The following CLDN16 variants were observed in gnomAD, a reference collection of about 807,000 sequenced individuals.
The protein encoded by CLDN16 is claudin 16, also known as claudin-16.
Under a neutral mutation model 24.6 loss-of-function variants are expected in CLDN16, and 13 were observed. The observed-to-expected ratio is 0.53, with a 90% CI of 0.34 to 0.84. The LOEUF is 0.84. CLDN16 is among the 40% of genes least tolerant of loss of function. CLDN16 has a pLI of 0.01. For synonymous variants in CLDN16, 116 were observed against 106.7 expected (o/e 1.09, Z -0.54); for missense variants, 298 against 292.7 (o/e 1.02, Z -0.13).
At chr3:190,290,973 G>T in the CLDN16 span, among the ~76,000 whole-genome samples, 1 of 152,254 alleles carries the variant, frequency 6.6e-6, no homozygotes, top group East Asian at 1.9e-4. Flanking sequence ...AAACAAGTAG[G>T]ATGTTAGAGA....
At chr3:190,295,444 G>A in the CLDN16 span, among the ~76,000 whole-genome samples, 8 of 151,898 alleles carry the variant, frequency 5.3e-5, no homozygotes, top group East Asian at 1.9e-4. Context: ...TTCTTTTTTC[G>A]GAGTTGGACT....
At chr3:190,396,414 A>G (rs1577425943) in intron 1 of CLDN16, among the ~76,000 whole-genome samples, 1 of 152,178 alleles carries the variant, frequency 6.6e-6, no homozygotes, top group East Asian at 1.9e-4. Flanking sequence ...TTAAGTAGCA[A>G]CTGTGCATAT....
upstream of CLDN16, chr3:190,322,109 T>A: frequency 2.5e-6 from 4 of 1,613,934 alleles, no homozygotes; most frequent in Non-Finnish European, 3.4e-6. Context: ...GGCATAGGAG[T>A]AAATCCTCCA....
intron 1 of CLDN16, among the ~76,000 whole-genome samples, chr3:190,324,422 G>A (rs1354999936): frequency 2.0e-5 from 3 of 152,136 alleles, no homozygotes; most frequent in African/African-American, 7.2e-5. Flanking sequence ...GGCGGAGGTG[G>A]CAGTGAGCCC....
At chr3:190,335,023 CTTTTTTTTT>C (rs57744577) in intron 1 of CLDN16, among the ~76,000 whole-genome samples, 19,399 of 134,432 alleles carry the variant, frequency 0.14, 1,453 homozygotes, top group Middle Eastern at 0.27. Context: ...TTTCTTTTTT[CTTTTTTTTT>C]TTTTTTGTTT....
At chr3:190,303,507 C>T in the CLDN16 span, among the ~76,000 whole-genome samples, 1 of 151,842 alleles carries the variant, frequency 6.6e-6, no homozygotes, top group African/African-American at 2.4e-5. Context: ...TGTGTGTTCA[C>T]TTTTTTTTCT....
the CLDN16 span, among the ~76,000 whole-genome samples, chr3:190,314,945 A>G: frequency 6.6e-6 from 1 of 152,140 alleles, no homozygotes; most frequent in African/African-American, 2.4e-5. Flanking sequence ...CACGGACCAC[A>G]GGTTTACCAG....
intron 4 of CLDN16, among the ~76,000 whole-genome samples, chr3:190,408,969 A>C (rs1719189180): frequency 6.6e-6 from 1 of 150,522 alleles, no homozygotes; most frequent in Non-Finnish European, 1.5e-5. Flanking sequence ...ATATGTATAC[A>C]TATATGTATA....
intron 1 of CLDN16, among the ~76,000 whole-genome samples, chr3:190,348,736 T>G (rs1717608226): frequency 6.6e-6 from 1 of 151,912 alleles, no homozygotes; most frequent in Admixed American, 6.6e-5. Flanking sequence ...GTCATGGGGG[T>G]TTGTTGTACA....
rs570039243 is a variant in CLDN16 at position 190,392,168 on chromosome 3, T to C, written c.114+3725T>C. ...TCTGGCACTTCTCCAGACATTTCCA[T>C]TGGGAATCTAGTGGAAGGATCCTCC... is the stretch of plus-strand genomic sequence containing the variant. On this transcript the variant is annotated intron_variant, in intron 1 of 4. Transcript: ENST00000264734. Among the ~76,000 whole-genome samples, 10 of 151,764 alleles carry C rather than the reference T, an allele frequency of 6.6e-5. No individual in the cohort carries two copies. The South Asian group carries it at 1.3e-3, about 19-fold the overall frequency.
At chr3:190,378,555 C>T (rs540268613) in intron 3 of CLDN16, among the ~76,000 whole-genome samples, 1 of 152,080 alleles carries the variant, frequency 6.6e-6, no homozygotes, top group South Asian at 2.1e-4. Context: ...GATGGCAGTC[C>T]AAATATCATG....
chr3:190,349,119 A>G (rs1488429021), intron 1 of CLDN16, among the ~76,000 whole-genome samples: 1 of 152,318 alleles, frequency 6.6e-6, no homozygotes, highest in African/African-American at 2.4e-5. Context: ...AGGAAATAGT[A>G]TGGTAAGACC....
At chr3:190,346,016 T>C (rs1171525114) in intron 1 of CLDN16, among the ~76,000 whole-genome samples, 1 of 151,764 alleles carries the variant, frequency 6.6e-6, no homozygotes, top group Non-Finnish European at 1.5e-5. Flanking sequence ...TCTTACAGTG[T>C]AAGTGACAAT....
the CLDN16 span, among the ~76,000 whole-genome samples, chr3:190,292,722 G>A: frequency 6.6e-6 from 1 of 152,180 alleles, no homozygotes; most frequent in African/African-American, 2.4e-5. Flanking sequence ...ATATCTCTAG[G>A]GAAGAGGCAA....
chr3:190,397,518 C>T (rs1486997278), intron 1 of CLDN16, among the ~76,000 whole-genome samples: 1 of 152,098 alleles, frequency 6.6e-6, no homozygotes, highest in Non-Finnish European at 1.5e-5. Flanking sequence ...TTTTTAGTTT[C>T]TAATAAGCCA....
At chr3:190,392,411 T>C (rs1718703768) in intron 1 of CLDN16, among the ~76,000 whole-genome samples, 2 of 152,256 alleles carry the variant, frequency 1.3e-5, no homozygotes, top group East Asian at 3.9e-4. Context: ...TTCTACCTTT[T>C]GTCATTTCAC....
intron 3 of CLDN16, among the ~76,000 whole-genome samples, chr3:190,378,184 C>A (rs1718284956): frequency 6.6e-6 from 1 of 151,726 alleles, no homozygotes; most frequent in Admixed American, 6.6e-5. Context: ...AAGCAAAGAG[C>A]TAATAATAAT....
Position 190,352,603 on chromosome 3 carries a change from G to A in CLDN16, n.122-18290G>A, listed in dbSNP as rs991584940. Among the ~76,000 whole-genome samples, 3 of 152,086 alleles carry A rather than the reference G, an allele frequency of 2.0e-5. 1 individual carries two copies. The highest frequency in any genetic ancestry group is 4.1e-4 in the South Asian group (2 of 4,828). On this transcript the variant is annotated intron_variant and non_coding_transcript_variant, in intron 1 of 4. Coordinates refer to the CLDN16 transcript ENST00000468220. ...TAGAAATCAAAGTAGCTATGGTTGC[G>A]AAAAGTCGCACAGAAAACTGCTGTA... is the stretch of plus-strand genomic sequence containing the variant.
upstream of CLDN16, among the ~76,000 whole-genome samples, chr3:190,320,564 C>T (rs1363217622): frequency 1.3e-5 from 2 of 152,180 alleles, no homozygotes; most frequent in African/African-American, 4.8e-5. Flanking sequence ...AATAATAACA[C>T]TCAAAACAAC....
Sources: gnomAD v4.1 joint callset for allele counts (sites outside exome capture counted in the v4.1 genomes callset) on GRCh38, gnomAD v4.1.1 for gene constraint, MANE v1.5 for transcripts, NCBI Gene and HGNC (gene_info 2026-07-23, HGNC 2026-07-21) for gene names.